SPOPL: variants seen among roughly 807,000 people sequenced by gnomAD.
The protein encoded by SPOPL is speckle-type POZ protein-like.
In SPOPL, 23 loss-of-function variants were observed where a neutral mutation model predicts 53.8. The ratio of observed to expected loss-of-function variants is 0.43; its 90% confidence interval spans 0.31 to 0.61. SPOPL has a LOEUF of 0.61. Ranked by LOEUF, SPOPL falls within the 20% of genes least tolerant of loss-of-function variation. The probability of loss-of-function intolerance (pLI) is 0.12; values close to 1 mark genes in which losing one functional copy is unlikely to be tolerated. For synonymous variants in SPOPL, 164 were observed against 149.7 expected, an observed-to-expected ratio of 1.10 and a Z score of -0.70; for missense variants, 442 against 466.9, an observed-to-expected ratio of 0.95 and a Z score of 0.49.
At chr2:138,518,882 G>A (rs1684499969) in intron 1 of SPOPL, among the ~76,000 whole-genome samples, 1 of 152,126 alleles carries the variant, frequency 6.6e-6, no homozygotes, top group Non-Finnish European at 1.5e-5. Flanking sequence ...TAGTTCCCAA[G>A]ATTATTTCTA....
At chr2:138,560,762 C>CT (rs35560905) in intron 7 of SPOPL, 43 bp from the exon 8 acceptor site, 26,224 of 1,278,998 alleles carry the variant, frequency 0.021, 59 homozygotes, top group African/African-American at 0.077. Flanking sequence ...TTTGTGTGTA[C>CT]TTTTTTTTTT....
At chr2:138,545,883 T>A (rs1372695239) in intron 1 of SPOPL, among the ~76,000 whole-genome samples, 1 of 152,244 alleles carries the variant, frequency 6.6e-6, no homozygotes, top group Non-Finnish European at 1.5e-5. Context: ...CATTTTTACA[T>A]ATCTACGAAT....
Position 138,569,051 on chromosome 2 carries a change from A to C in SPOPL, c.1150A>C (p.Ile384Leu), listed in dbSNP as rs1685725384. 2 of 1,613,670 alleles carry C rather than the reference A, an allele frequency of 1.2e-6. No individual in the cohort carries two copies. Among genetic ancestry groups the C allele is most frequent in the African/African-American group, 2.7e-5 (2 of 74,936 alleles). ...LASAQCPQFG[I>L]PRKRLKQS ...ATCTGCACAGTGTCCACAGTTTGGC[A>C]TTCCACGCAAACGGCTAAAACAGTC... is the stretch of plus-strand genomic sequence containing the variant. Residue 384 changes from isoleucine to leucine, a missense_variant, in exon 11 of 11, where the codon ATT becomes CTT. Ile to Leu is a conservative substitution (Grantham distance 5). Transcript: ENST00000280098.
intron 1 of SPOPL, among the ~76,000 whole-genome samples, chr2:138,534,577 A>C (rs1470731779): frequency 6.6e-6 from 1 of 152,172 alleles, no homozygotes; most frequent in Non-Finnish European, 1.5e-5. Flanking sequence ...ATGGACTTCT[A>C]TGTGCAGGTA....
At chr2:138,522,020 C>A (rs911493454) in intron 1 of SPOPL, among the ~76,000 whole-genome samples, 34 of 152,136 alleles carry the variant, frequency 2.2e-4, no homozygotes, top group Non-Finnish European at 4.1e-4. Flanking sequence ...GATCCCAGGA[C>A]GACCTGAGAC....
intron 1 of SPOPL, among the ~76,000 whole-genome samples, chr2:138,534,451 C>T (rs1684883920): frequency 6.6e-6 from 1 of 152,050 alleles, no homozygotes; most frequent in African/African-American, 2.4e-5. Flanking sequence ...GTATAAGGGA[C>T]TGGAACATCT....
chr2:138,563,426 G>A (rs752173665), intron 8 of SPOPL, among the ~76,000 whole-genome samples: 1 of 152,152 alleles, frequency 6.6e-6, no homozygotes, highest in Non-Finnish European at 1.5e-5. Context: ...AGACTATAAT[G>A]AGCCCTAATT....
chr2:138,515,438 A>G (rs1174114704), intron 1 of SPOPL, among the ~76,000 whole-genome samples: 1 of 152,214 alleles, frequency 6.6e-6, no homozygotes, highest in Non-Finnish European at 1.5e-5. Context: ...TCAGAACTTG[A>G]AAAAAGTTGG....
intron 1 of SPOPL, among the ~76,000 whole-genome samples, chr2:138,522,087 C>G (rs1350202003): frequency 2.0e-5 from 3 of 152,110 alleles, no homozygotes; most frequent in Non-Finnish European, 2.9e-5. Context: ...CCTTAACACC[C>G]GGATTGAAGC....
chr2:138,541,072 T>C (rs1685061398), intron 1 of SPOPL, among the ~76,000 whole-genome samples: 1 of 152,166 alleles, frequency 6.6e-6, no homozygotes, highest in South Asian at 2.1e-4. Flanking sequence ...TTGAAGCAGC[T>C]TTGCAACCCA....
intron 1 of SPOPL, among the ~76,000 whole-genome samples, chr2:138,525,861 G>A (rs915859292): frequency 1.3e-5 from 2 of 150,578 alleles, no homozygotes; most frequent in East Asian, 2.0e-4. Context: ...AGTTGTAATT[G>A]TATCAATTTT....
At chr2:138,565,634 C>T (rs1219240344) in intron 10 of SPOPL, among the ~76,000 whole-genome samples, 2 of 151,974 alleles carry the variant, frequency 1.3e-5, no homozygotes, top group African/African-American at 4.8e-5. Context: ...GGAAAGAAGT[C>T]AATAGGTTGA....
At chr2:138,520,394 T>A (rs1270235354) in intron 1 of SPOPL, among the ~76,000 whole-genome samples, 1 of 152,174 alleles carries the variant, frequency 6.6e-6, no homozygotes, top group African/African-American at 2.4e-5. Context: ...TTGTGTTGCT[T>A]AAAAATATAT....
chr2:138,566,934 A>G (rs1243423331), intron 10 of SPOPL, among the ~76,000 whole-genome samples: 1 of 152,222 alleles, frequency 6.6e-6, no homozygotes, highest in Non-Finnish European at 1.5e-5. Context: ...AGGAGTTAGC[A>G]GAAGTAAGAA....
chr2:138,530,423 G>A (rs561915497), intron 1 of SPOPL, among the ~76,000 whole-genome samples: 25 of 152,256 alleles, frequency 1.6e-4, no homozygotes, highest in African/African-American at 4.6e-4. Flanking sequence ...TTCCACAATG[G>A]TTGAAGTCAG....
At position 138,572,463 on chromosome 2, in the gene SPOPL, A is replaced by G. The variant is rs1422781222; in HGVS notation, c.*3383A>G. ...TTATAAAATGTGGGTCATAGATATG[A>G]CCCAGTGTTACTAAAATAGAACAGG... On this transcript the variant is annotated 3_prime_UTR_variant, in exon 11 of 11. Coordinates refer to ENST00000280098, the MANE Select transcript of SPOPL (RefSeq NM_001001664.3). The G allele has an allele frequency of 6.6e-6, 1 of 152,254 alleles. No individual in the cohort carries two copies. The highest frequency in any genetic ancestry group is 2.4e-5 in the African/African-American group (1 of 41,422). 9.4% of individuals were successfully genotyped at this position (152,254 alleles called of 1,614,324 possible). A position where few individuals can be genotyped will look rare whatever the true frequency, so the allele number is the denominator to read the frequency against.
intron 8 of SPOPL, among the ~76,000 whole-genome samples, chr2:138,562,762 C>T (rs796361279): frequency 7.8e-4 from 67 of 86,096 alleles, no homozygotes; most frequent in African/African-American, 3.2e-3. Context: ...CCATCCTGGG[C>T]AAAAGAGCAA....
intron 1 of SPOPL, among the ~76,000 whole-genome samples, chr2:138,523,103 A>G (rs1284421396): frequency 6.6e-6 from 1 of 152,200 alleles, no homozygotes; most frequent in Non-Finnish European, 1.5e-5. Flanking sequence ...CACTGCCTAT[A>G]AAGACATACC....
At chr2:138,539,350 G>C (rs1322284851) in intron 1 of SPOPL, among the ~76,000 whole-genome samples, 1 of 152,148 alleles carries the variant, frequency 6.6e-6, no homozygotes, top group Non-Finnish European at 1.5e-5. Context: ...GGTTGAACTA[G>C]TTTACAGTCC....
Sources: gnomAD v4.1 joint callset for allele counts (sites outside exome capture counted in the v4.1 genomes callset) on GRCh38, gnomAD v4.1.1 for gene constraint, MANE v1.5 for transcripts, NCBI Gene and HGNC (gene_info 2026-07-23, HGNC 2026-07-21) for gene names.